The following MARCHF1 variants were observed in gnomAD, a reference collection of about 807,000 sequenced individuals.
MARCHF1 encodes membrane associated ring-CH-type finger 1.
A neutral mutation model predicts 54.2 loss-of-function variants in MARCHF1; 40 were observed. That is an observed-to-expected ratio of 0.74 (90% confidence interval 0.57 to 0.96). MARCHF1 has a LOEUF of 0.96. Ranked by LOEUF, MARCHF1 falls within the 40% of genes least tolerant of loss-of-function variation. MARCHF1 has a pLI of 0.00. For missense variants in MARCHF1, 586 were observed against 656.5 expected (o/e 0.89, Z 1.17); for synonymous variants, 236 against 236.3 (o/e 1.00, Z 0.01).
At chr4:163,815,104 T>C (rs1024814242) in intron 4 of MARCHF1, among the ~76,000 whole-genome samples, 3 of 152,148 alleles carry the variant, frequency 2.0e-5, no homozygotes, top group African/African-American at 7.2e-5. Context: ...AAGTTGGCAT[T>C]CTACCTTAAA....
chr4:164,280,850 A>T (rs1398211766), intron 1 of MARCHF1, among the ~76,000 whole-genome samples: 1 of 152,118 alleles, frequency 6.6e-6, no homozygotes, highest in African/African-American at 2.4e-5. Flanking sequence ...CACTCTTTCC[A>T]GGTAGGTAGA....
intron 1 of MARCHF1, among the ~76,000 whole-genome samples, chr4:164,134,864 A>AAC (rs1756370059): frequency 6.6e-6 from 1 of 151,732 alleles, no homozygotes; most frequent in Admixed American, 6.6e-5. Context: ...AAAAAAAAAA[A>AAC]ATTGCTTAAG....
At chr4:163,774,848 G>A (rs1008042501) in intron 4 of MARCHF1, among the ~76,000 whole-genome samples, 5 of 152,104 alleles carry the variant, frequency 3.3e-5, no homozygotes, top group African/African-American at 7.2e-5. Context: ...TGACATGACC[G>A]TTATTATTAT....
At chr4:163,935,698 CTTTCTTTT>C (rs1383200978) in intron 3 of MARCHF1, among the ~76,000 whole-genome samples, 1 of 87,124 alleles carries the variant, frequency 1.1e-5, no homozygotes, top group African/African-American at 4.3e-5. Context: ...GTTTTGCTTG[CTTTCTTTT>C]TTTTTTTTTT....
At chr4:164,357,109 T>G (rs1305838334) in intron 1 of MARCHF1, among the ~76,000 whole-genome samples, 4 of 110,368 alleles carry the variant, frequency 3.6e-5, no homozygotes, top group Non-Finnish European at 2.0e-5. Flanking sequence ...GAACTTAAGT[T>G]TTTTTTTAAG....
At chr4:163,562,613 C>G (rs1739507841) in intron 8 of MARCHF1, among the ~76,000 whole-genome samples, 1 of 152,086 alleles carries the variant, frequency 6.6e-6, no homozygotes, top group East Asian at 1.9e-4. Flanking sequence ...TCTCATTGCT[C>G]TCTTCCTGAC....
At chr4:164,064,238 T>C (rs944125536) in intron 2 of MARCHF1, among the ~76,000 whole-genome samples, 44 of 152,238 alleles carry the variant, frequency 2.9e-4, no homozygotes, top group African/African-American at 9.6e-4. Context: ...ATTGAATCTA[T>C]AAATTGTTTT....
intron 4 of MARCHF1, among the ~76,000 whole-genome samples, chr4:163,777,693 A>C (rs1747344048): frequency 6.6e-6 from 1 of 152,114 alleles, no homozygotes; most frequent in African/African-American, 2.4e-5. Context: ...AGTCAAGCCT[A>C]CCCAAATAAA....
chr4:163,551,537 G>A (rs1385116452), intron 8 of MARCHF1, among the ~76,000 whole-genome samples: 1 of 152,220 alleles, frequency 6.6e-6, no homozygotes, highest in Non-Finnish European at 1.5e-5. Flanking sequence ...GTGGTAGGCA[G>A]CTGGTAAAGT....
intron 1 of MARCHF1, among the ~76,000 whole-genome samples, chr4:164,158,380 G>A (rs528847699): frequency 2.6e-5 from 4 of 152,248 alleles, no homozygotes; most frequent in African/African-American, 9.6e-5. Flanking sequence ...GGTGGCTCAT[G>A]CCTGTATCTC....
At chr4:164,313,049 G>A (rs141018640) in intron 1 of MARCHF1, among the ~76,000 whole-genome samples, 2 of 150,730 alleles carry the variant, frequency 1.3e-5, no homozygotes, top group Non-Finnish European at 3.0e-5. Flanking sequence ...CTTTAAAAAC[G>A]TGTAGGCTGG....
At chr4:164,113,513 T>C (rs933190142) in intron 1 of MARCHF1, among the ~76,000 whole-genome samples, 44 of 152,004 alleles carry the variant, frequency 2.9e-4, no homozygotes, top group Admixed American at 2.2e-3. Flanking sequence ...TGCATATTTA[T>C]GTATCTGGGG....
intron 9 of MARCHF1, among the ~76,000 whole-genome samples, chr4:163,544,640 A>G (rs1197198487): frequency 6.6e-6 from 1 of 152,192 alleles, no homozygotes; most frequent in Non-Finnish European, 1.5e-5. Context: ...ATCCCCACGC[A>G]GAAATGCAGA....
chr4:163,716,823 A>C (rs921185990), intron 4 of MARCHF1, among the ~76,000 whole-genome samples: 1 of 152,174 alleles, frequency 6.6e-6, no homozygotes, highest in Non-Finnish European at 1.5e-5. Context: ...ACAAATCCAG[A>C]GAGATTTTCT....
At chr4:164,208,751 G>C (rs998250937) in intron 1 of MARCHF1, among the ~76,000 whole-genome samples, 6 of 152,158 alleles carry the variant, frequency 3.9e-5, no homozygotes, top group African/African-American at 1.4e-4. Context: ...TTCAAGAACA[G>C]CCTGGGCAAC....
At chr4:164,167,344 T>C (rs1730408932) in intron 1 of MARCHF1, among the ~76,000 whole-genome samples, 1 of 151,830 alleles carries the variant, frequency 6.6e-6, no homozygotes, top group Non-Finnish European at 1.5e-5. Flanking sequence ...ATTGTTAAAA[T>C]GTCCTCCCTA....
intron 7 of MARCHF1, among the ~76,000 whole-genome samples, chr4:163,611,241 A>G (rs1682974866): frequency 6.6e-6 from 1 of 152,054 alleles, no homozygotes; most frequent in South Asian, 2.1e-4. Flanking sequence ...ACATATATGA[A>G]TGAGGATTTT....
intron 4 of MARCHF1, among the ~76,000 whole-genome samples, chr4:163,846,557 T>G (rs191972283): frequency 4.4e-4 from 67 of 152,286 alleles, no homozygotes; most frequent in Admixed American, 6.5e-4. Flanking sequence ...AGGACAAATT[T>G]ACATTTCATT....
chr4:163,570,846 C>A (rs1029856732), intron 8 of MARCHF1, among the ~76,000 whole-genome samples: 1 of 152,116 alleles, frequency 6.6e-6, no homozygotes. Context: ...CAGAATGCCA[C>A]AGACCTCACC....
Sources: gnomAD v4.1 joint callset for allele counts (sites outside exome capture counted in the v4.1 genomes callset) on GRCh38, gnomAD v4.1.1 for gene constraint, MANE v1.5 for transcripts, NCBI Gene and HGNC (gene_info 2026-07-23, HGNC 2026-07-21) for gene names.